Variants in CHM observed in about 807,000 individuals in gnomAD.
CHM encodes the protein CHM Rab escort protein.
In CHM, 10 loss-of-function variants were observed where a neutral mutation model predicts 49.0. The observed-to-expected ratio is 0.20, with a 90% CI of 0.13 to 0.35. The LOEUF is 0.35. CHM is among the 10% of genes least tolerant of loss of function. The pLI is 1.00. For synonymous variants in CHM, 184 were observed against 167.5 expected (o/e 1.10, Z -0.76); for missense variants, 455 against 478.4 (o/e 0.95, Z 0.46).
intron 13 of CHM, among the ~76,000 whole-genome samples, chrX:85,874,963 C>T (rs1295881015): frequency 1.8e-5 from 2 of 111,440 alleles, no homozygotes; most frequent in African/African-American, 6.5e-5. Context: ...TTAATAGTGC[C>T]CAGCCCATTT....
At chrX:85,940,626 C>CA (rs67187945) in intron 8 of CHM, among the ~76,000 whole-genome samples, 4,625 of 99,509 alleles carry the variant, frequency 0.046, 98 homozygotes, top group Non-Finnish European at 0.066. Flanking sequence ...ATTATCCTGG[C>CA]AAAAAAAAAA....
chrX:86,031,301 T>G (rs1162246802), intron 1 of CHM, among the ~76,000 whole-genome samples: 2 of 111,269 alleles, frequency 1.8e-5, no homozygotes, highest in Non-Finnish European at 3.8e-5. Context: ...ACTTAAAAAT[T>G]TGTTAAGAGC....
intron 2 of CHM, among the ~76,000 whole-genome samples, chrX:86,019,924 GT>G (rs2147779810): frequency 9.0e-6 from 1 of 110,865 alleles, no homozygotes; most frequent in African/African-American, 3.3e-5. Context: ...GATTTAAACT[GT>G]TTTTGGAAGT....
chrX:86,043,791 C>A (rs1295902301), intron 1 of CHM, among the ~76,000 whole-genome samples: 1 of 109,123 alleles, frequency 9.2e-6, no homozygotes, highest in African/African-American at 3.3e-5. Flanking sequence ...GCAGTGGTGC[C>A]ATCTAAGCTC....
At chrX:85,963,560 AT>A in intron 5 of CHM, 104 bp downstream of exon 5, 1 of 611,591 alleles carries the variant, frequency 1.6e-6, no homozygotes, top group Non-Finnish European at 2.6e-6. Flanking sequence ...TCTGGCTACT[AT>A]CTCTTTACAA....
chrX:85,912,574 A>G (rs1927097783), intron 8 of CHM, among the ~76,000 whole-genome samples: 1 of 111,799 alleles, frequency 8.9e-6, no homozygotes, highest in African/African-American at 3.3e-5. Flanking sequence ...GCACTCTCCC[A>G]TTAAGATGCT....
At chrX:86,001,167 TCCA>T (rs1932702271) in intron 2 of CHM, among the ~76,000 whole-genome samples, 1 of 111,808 alleles carries the variant, frequency 8.9e-6, no homozygotes, top group Admixed American at 9.5e-5. Context: ...ATATCATAAG[TCCA>T]TTTTACAAAC....
chrX:85,934,575 G>A (rs1184599696), intron 8 of CHM, among the ~76,000 whole-genome samples: 1 of 108,524 alleles, frequency 9.2e-6, no homozygotes, highest in African/African-American at 3.4e-5. Context: ...CAGAATGATG[G>A]TTTCCAGCTT....
chrX:86,012,136 CAT>C (rs756187295), intron 2 of CHM, among the ~76,000 whole-genome samples: 339 of 111,848 alleles, frequency 3.0e-3, no homozygotes, highest in African/African-American at 0.011. Context: ...TCGGCAGAAA[CAT>C]AGGGATCCTC....
chrX:85,875,156 T>A (rs1391544277), intron 13 of CHM, among the ~76,000 whole-genome samples: 1 of 111,774 alleles, frequency 8.9e-6, no homozygotes, highest in African/African-American at 3.2e-5. Context: ...TGAAGATAAA[T>A]GCTCTGGATA....
chrX:86,034,711 C>T (rs1433162865), intron 1 of CHM, among the ~76,000 whole-genome samples: 1 of 111,049 alleles, frequency 9.0e-6, no homozygotes, highest in East Asian at 2.8e-4. Context: ...ACCTGGCAGG[C>T]AGAGGTTGTA....
chrX:85,879,197 C>G (rs750361713), intron 12 of CHM, 134 bp from the exon 13 acceptor site: 5 of 472,292 alleles, frequency 1.1e-5, no homozygotes, highest in South Asian at 9.7e-5. Flanking sequence ...TAACTAACAG[C>G]TAAAGGAAGT....
chrX:85,898,762 A>G lies in CHM; in HGVS notation c.1413+1884T>C, dbSNP rs778718768. 8.9e-5 allele frequency among the ~76,000 whole-genome samples: 10 copies of G among 112,122 alleles called. No individual in the cohort carries two copies. The East Asian group carries it at 1.7e-3, about 19-fold the overall frequency. ...CTATTTCTTCTACCCGCCCATGCTC[A>G]TACTTGTCACTCTGAACTACAGTTG... On this transcript the variant is annotated intron_variant, in intron 11 of 14. Transcript: ENST00000357749.
intron 2 of CHM, among the ~76,000 whole-genome samples, chrX:86,017,486 G>A (rs776940492): frequency 5.2e-4 from 58 of 111,348 alleles, no homozygotes; most frequent in Non-Finnish European, 1.0e-3. Flanking sequence ...TAAGTCTCAC[G>A]AGATCTGATG....
At chrX:86,038,536 G>A (rs1934334670) in intron 1 of CHM, among the ~76,000 whole-genome samples, 1 of 112,200 alleles carries the variant, frequency 8.9e-6, no homozygotes, top group African/African-American at 3.2e-5. Context: ...TGTGCCACAG[G>A]TGCATCCTTA....
chrX:85,925,501 T>C (rs1928029703), intron 8 of CHM, among the ~76,000 whole-genome samples: 2 of 111,643 alleles, frequency 1.8e-5, no homozygotes, highest in South Asian at 7.7e-4. Flanking sequence ...ATAGGTTTTT[T>C]AAATTCAAAA....
intron 2 of CHM, among the ~76,000 whole-genome samples, chrX:86,002,253 G>A (rs901065137): frequency 8.9e-6 from 1 of 111,930 alleles, no homozygotes; most frequent in Non-Finnish European, 1.9e-5. Flanking sequence ...AACCCTAGGG[G>A]GTGGTAAAGA....
At chrX:85,984,975 C>A (rs924099285) in intron 2 of CHM, among the ~76,000 whole-genome samples, 15 of 111,596 alleles carry the variant, frequency 1.3e-4, no homozygotes, top group African/African-American at 4.2e-4. Context: ...AAAGAAGCTG[C>A]GACTCCAAAG....
At chrX:85,922,615 A>G (rs1464243400) in intron 8 of CHM, among the ~76,000 whole-genome samples, 2 of 112,502 alleles carry the variant, frequency 1.8e-5, no homozygotes, top group East Asian at 5.6e-4. Flanking sequence ...GAAAATATCA[A>G]TGGGTATAAT....
Sources: allele counts gnomAD v4.1 joint callset (sites outside exome capture counted in the v4.1 genomes callset), GRCh38; gene constraint gnomAD v4.1.1; transcripts MANE v1.5; gene names NCBI Gene and HGNC (gene_info 2026-07-23, HGNC 2026-07-21).